The following LRRC47 variants were observed in gnomAD, a reference collection of about 807,000 sequenced individuals.
The protein encoded by LRRC47 is leucine-rich repeat-containing protein 47.
In LRRC47, 31 loss-of-function variants were observed where a neutral mutation model predicts 40.9. That is an observed-to-expected ratio of 0.76 (90% CI 0.57 to 1.02). The LOEUF (loss-of-function observed/expected upper bound fraction) is 1.02. Ranked by LOEUF, LRRC47 falls within the 50% of genes least tolerant of loss-of-function variation. The pLI, the probability that LRRC47 is intolerant of heterozygous loss-of-function variation, is 0.00. For missense variants in LRRC47, 726 were observed against 796.1 expected (o/e 0.91, Z 1.06); for synonymous variants, 427 against 371.9 (o/e 1.15, Z -1.70).
chr1:3,795,735 TTGTAGGAATTCCCTGGGCCC>T, intron 1 of LRRC47, 107 bp downstream of exon 1: 2 of 1,273,808 alleles, frequency 1.6e-6, no homozygotes, highest in Non-Finnish European at 1.0e-6. Flanking sequence ...CCTTTCAGCC[TTGTAGGAATTCCCTGGGCCC>T]AGTGCCCCAG....
chr1:3,783,420 C>A (rs1472275587), intron 4 of LRRC47, among the ~76,000 whole-genome samples: 936 of 115,714 alleles, frequency 8.1e-3, no homozygotes, highest in Middle Eastern at 0.01. Flanking sequence ...GACCCCATCT[C>A]AAAAAAAAAA....
chr1:3,780,504 G>A lies in LRRC47; in HGVS notation c.*584C>T, dbSNP rs1462571193. 6.5e-6 allele frequency: 1 copy of A among 153,236 alleles called. No homozygotes were observed. Among genetic ancestry groups the A allele is most frequent in the Non-Finnish European group, 1.5e-5 (1 of 68,842 alleles). The allele number at this position is 153,236 out of a possible 1,614,324, so 9.5% of individuals were successfully genotyped here. On this transcript the variant is annotated 3_prime_UTR_variant, in exon 7 of 7. Transcript: ENST00000378251. Reference sequence around the variant, plus strand: ...ACCTGCCATGTATCTACATGATTCAGAACATTTTGAACAGTTAATTCTGAC... The same window carrying A: ...ACCTGCCATGTATCTACATGATTCAAAACATTTTGAACAGTTAATTCTGAC...
intron 1 of LRRC47, among the ~76,000 whole-genome samples, chr1:3,793,881 A>G (rs1570742201): frequency 6.6e-6 from 1 of 151,862 alleles, no homozygotes; most frequent in Non-Finnish European, 1.5e-5. Context: ...CCCGCCTCCA[A>G]ATTTTTGGGG....
At chr1:3,791,683 C>T (rs1202722772) in intron 1 of LRRC47, among the ~76,000 whole-genome samples, 3 of 152,078 alleles carry the variant, frequency 2.0e-5, no homozygotes, top group Admixed American at 2.0e-4. Flanking sequence ...CTTCAACTCC[C>T]AACCTCAGGT....
At chr1:3,789,312 G>A (rs1014767745) in intron 1 of LRRC47, among the ~76,000 whole-genome samples, 10 of 152,276 alleles carry the variant, frequency 6.6e-5, no homozygotes, top group Non-Finnish European at 8.8e-5. Context: ...TTGGAAGCTC[G>A]GGGGCACAGG....
intron 1 of LRRC47, 95 bp downstream of exon 1, chr1:3,795,767 G>T (rs1643667470): frequency 7.3e-7 from 1 of 1,378,222 alleles, no homozygotes; most frequent in East Asian, 2.8e-5. Flanking sequence ...GTGCCCCAGG[G>T]GGCGTCACTA....
At position 3,778,943 on chromosome 1, in the gene LRRC47, G is replaced by A. The variant is rs553553235; in HGVS notation, c.*2145C>T. 110 of 152,502 alleles carry A rather than the reference G, an allele frequency of 7.2e-4. 1 individual carries two copies. The highest frequency in any genetic ancestry group is 1.3e-3 in the Admixed American group (20 of 15,306). The allele number at this position is 152,502 out of a possible 1,614,324, so 9.4% of individuals were successfully genotyped here. On this transcript the variant is annotated 3_prime_UTR_variant, in exon 7 of 7. Transcript: ENST00000378251. ...CCTGGCCTGGGGAAGCCCCCGTGCC[G>A]CCTCAAGCCTCCAGCAGGGCAGGCC...
Position 3,795,864 on chromosome 1 carries a change from T to G in LRRC47, c.613A>C (p.Lys205Gln). The stretch of plus-strand genomic sequence containing the variant: ...CCGCCCGGGCAGCCCCCGCTGACCT[T>G]GAGCGAGGCCAGGTGGGCGATGTCG... ...SPDIAHLASL[K>Q]TLDLSNNQLS... The change falls in exon 1 of 7, where the codon AAG becomes CAG. Residue 205 changes from lysine to glutamine, a missense_variant and splice_region_variant. By Grantham distance (53) the Lys-to-Gln change is moderately conservative. Coordinates refer to ENST00000378251, the MANE Select transcript of LRRC47 (RefSeq NM_020710.3). 1 of 1,583,398 alleles carries G rather than the reference T, an allele frequency of 6.3e-7. No homozygotes were observed. The highest frequency in any genetic ancestry group is 8.5e-7 in the Non-Finnish European group (1 of 1,170,776).
At position 3,796,391 on chromosome 1, in the gene LRRC47, G is replaced by T; in HGVS notation, c.86C>A (p.Pro29His). The T allele has an allele frequency of 6.6e-7, 1 of 1,515,810 alleles. No homozygotes were observed. Among genetic ancestry groups the T allele is most frequent in the Non-Finnish European group, 8.8e-7 (1 of 1,139,616 alleles). 93.9% of individuals were successfully genotyped at this position (1,515,810 alleles called of 1,614,324 possible). A position where few individuals can be genotyped will look rare whatever the true frequency, so the allele number is the denominator to read the frequency against. Reference sequence around the variant, plus strand: ...CGCCCGCACTCGCTCCTCCAGCCCGGGCCCCGTCAGCAGCAGCTCCCGCCG... The same window carrying T: ...CGCCCGCACTCGCTCCTCCAGCCCGTGCCCCGTCAGCAGCAGCTCCCGCCG... ...ERRRELLLTGPGLEERVRAAG... is the reference protein window; with the variant it reads ...ERRRELLLTGHGLEERVRAAG... Residue 29 changes from proline (P) to histidine (H), a missense_variant, in exon 1 of 7, where the codon CCC becomes CAC. Pro to His is a moderately conservative substitution (Grantham distance 77, BLOSUM62 -2). Coordinates refer to ENST00000378251, the MANE Select transcript of LRRC47 (RefSeq NM_020710.3).
chr1:3,791,166 C>T (rs922158203), intron 1 of LRRC47, among the ~76,000 whole-genome samples: 3 of 152,170 alleles, frequency 2.0e-5, no homozygotes, highest in Admixed American at 1.3e-4. Context: ...CACAGCCACG[C>T]GAGCGACCAG....
At position 3,796,354 on chromosome 1, in the gene LRRC47, C is replaced by T; in HGVS notation, c.123G>A (p.Gln41=). ...GCAGGGTGAAAAGCCGCGGCGGCAG[C>T]TGCCCACCCGCCGCCCGCACTCGCT... is the stretch of plus-strand genomic sequence containing the variant. ...LEERVRAAGG[Q]LPPRLFTLPL... The change falls in exon 1 of 7, where the codon CAG becomes CAA. Residue 41 remains glutamine (Q), a synonymous_variant. Coordinates refer to ENST00000378251, the MANE Select transcript of LRRC47 (RefSeq NM_020710.3). 2 of 1,510,406 alleles carry T rather than the reference C, an allele frequency of 1.3e-6. No homozygotes were observed. Among genetic ancestry groups the T allele is most frequent in the African/African-American group, 1.4e-5 (1 of 69,448 alleles). 93.6% of individuals were successfully genotyped at this position (1,510,406 alleles called of 1,614,324 possible). A position where few individuals can be genotyped will look rare whatever the true frequency, so the allele number is the denominator to read the frequency against.
chr1:3,787,836 GAC>G (rs1282421435), intron 1 of LRRC47, among the ~76,000 whole-genome samples: 1 of 152,216 alleles, frequency 6.6e-6, no homozygotes, highest in Non-Finnish European at 1.5e-5. Flanking sequence ...TGCCCGCAGT[GAC>G]ACACAGAGTG....
chr1:3,785,306 C>G (rs545297412), intron 2 of LRRC47, 103 bp from the exon 3 acceptor site: 4 of 765,772 alleles, frequency 5.2e-6, no homozygotes, highest in Non-Finnish European at 7.8e-6. Context: ...GAAACCCTCC[C>G]GGTCCAAGGT....
chr1:3,791,008 G>A (rs550649652), intron 1 of LRRC47, among the ~76,000 whole-genome samples: 9 of 152,344 alleles, frequency 5.9e-5, no homozygotes, highest in African/African-American at 1.9e-4. Flanking sequence ...CATGTTCCAG[G>A]TTGATGCCTG....
chr1:3,788,163 C>T (rs987186331), intron 1 of LRRC47, among the ~76,000 whole-genome samples: 10 of 152,234 alleles, frequency 6.6e-5, no homozygotes, highest in Admixed American at 2.0e-4. Context: ...TGACGTGAGG[C>T]GGCCGCTGCA....
chr1:3,781,964 C>G (rs2799186), intron 5 of LRRC47, among the ~76,000 whole-genome samples: 84,920 of 152,094 alleles, frequency 0.56, 26,358 homozygotes, highest in African/African-American at 0.83. Context: ...TTCGGCAACA[C>G]AGCAAGACCT....
intron 3 of LRRC47, 33 bp from the exon 4 acceptor site, chr1:3,784,144 G>A (rs1208627563): frequency 4.5e-6 from 7 of 1,560,118 alleles, no homozygotes; most frequent in East Asian, 4.7e-5. Context: ...CTCCACTAGG[G>A]TCACAGCCAC....
At chr1:3,786,730 C>G in intron 2 of LRRC47, 119 bp downstream of exon 2, 2 of 954,186 alleles carry the variant, frequency 2.1e-6, no homozygotes, top group South Asian at 1.7e-5. Flanking sequence ...ACACAGACAC[C>G]CGGCTGGGCC....
Position 3,779,298 on chromosome 1 carries a change from T to A in LRRC47, c.*1790A>T, listed in dbSNP as rs1040753511. 1 of 152,236 alleles carries A rather than the reference T, an allele frequency of 6.6e-6. No homozygotes were observed. The highest frequency in any genetic ancestry group is 1.5e-5 in the Non-Finnish European group (1 of 68,046). The allele number at this position is 152,236 out of a possible 1,614,324, so 9.4% of individuals were successfully genotyped here. The stretch of plus-strand genomic sequence containing the variant: ...AAAGGTGTGTGGGCTGTGGGGCTCT[T>A]GCAGATGCTTCCCAAAATCACCAGT... On this transcript the variant is annotated 3_prime_UTR_variant, in exon 7 of 7. Transcript: ENST00000378251.
Sources: gnomAD v4.1 joint callset for allele counts (sites outside exome capture counted in the v4.1 genomes callset) on GRCh38, gnomAD v4.1.1 for gene constraint, MANE v1.5 for transcripts, NCBI Gene and HGNC (gene_info 2026-07-23, HGNC 2026-07-21) for gene names.